The following ACOX1 variants were observed in gnomAD, a reference collection of about 807,000 sequenced individuals.
ACOX1 encodes the protein acyl-CoA oxidase 1, also known as peroxisomal acyl-coenzyme A oxidase 1.
A neutral mutation model predicts 75.5 loss-of-function variants in ACOX1; 41 were observed. The observed-to-expected ratio is 0.54, with a 90% CI of 0.42 to 0.70. The LOEUF (loss-of-function observed/expected upper bound fraction) is 0.70. Among genes scored for constraint, ACOX1 ranks in the 30% least tolerant of loss-of-function variants. The pLI, the probability that ACOX1 is intolerant of heterozygous loss-of-function variation, is 0.00. For missense variants in ACOX1, 630 were observed against 837.5 expected, an observed-to-expected ratio of 0.75 and a Z score of 3.06; for synonymous variants, 303 against 298.8, an observed-to-expected ratio of 1.01 and a Z score of -0.15.
intron 2 of ACOX1, chr17:75,973,519 A>C: frequency 2.4e-6 from 3 of 1,242,400 alleles, no homozygotes; most frequent in East Asian, 2.4e-5. Flanking sequence ...AACAACTTAA[A>C]AATAGAATCC....
chr17:75,971,292 A>C (rs1309325329), intron 2 of ACOX1, among the ~76,000 whole-genome samples: 1 of 122,562 alleles, frequency 8.2e-6, no homozygotes, highest in Non-Finnish European at 1.7e-5. Flanking sequence ...ACTCTGTCTC[A>C]AAAAAAAAAA....
chr17:75,973,595 G>A (rs1379579249), intron 2 of ACOX1: 6 of 1,613,490 alleles, frequency 3.7e-6, no homozygotes, highest in Non-Finnish European at 5.1e-6. Flanking sequence ...CCTGAGGTGG[G>A]TTACCCACAG....
Position 75,968,208 on chromosome 17 carries a change from G to A in ACOX1, c.270-7833C>T, listed in dbSNP as rs533767214. Among the ~76,000 whole-genome samples, 771 of 149,796 alleles carry A rather than the reference G, an allele frequency of 5.1e-3. 8 individuals are homozygous for A. Among genetic ancestry groups the A allele is most frequent in the African/African-American group, 0.018 (736 of 41,006 alleles). The stretch of plus-strand genomic sequence containing the variant: ...TCCCAGCACTTTGGGAGGCCGAGGC[G>A]GGCGGATCACGAGGTCAGGAGATCG... On this transcript the variant is annotated intron_variant, in intron 2 of 13. Coordinates refer to ENST00000293217, the MANE Select transcript of ACOX1 (RefSeq NM_004035.7).
rs139909641 is a variant in ACOX1, at chr17:75,947,270, G to A, written c.1936-475C>T. On this transcript the variant is annotated intron_variant, in intron 13 of 13. Transcript: ENST00000293217. Reference sequence around the variant, plus strand: ...TTAGTTTTTTTTTTTTTTTTGAAACGGAGCCTCGCTCTTGTTGCCCAGGCT... The same window carrying A: ...TTAGTTTTTTTTTTTTTTTTGAAACAGAGCCTCGCTCTTGTTGCCCAGGCT... Among the ~76,000 whole-genome samples the A allele has an allele frequency of 7.9e-3, 948 of 119,376 alleles. 11 individuals carry two copies. The highest frequency in any genetic ancestry group is 0.03 in the African/African-American group (911 of 30,838). 78.3% of individuals were successfully genotyped at this position (119,376 alleles called of 152,430 possible).
In ACOX1 at chr17:75,979,153, G is replaced by A; in HGVS notation, c.-80C>T. ...TAAATCCGCAGCTCCAGCGCCGGCC[G>A]GACCCTAGGAGGCAGCCTCAGGACG... On this transcript the variant is annotated 5_prime_UTR_variant, in exon 1 of 14. Transcript: ENST00000293217. 1.3e-6 allele frequency: 2 copies of A among 1,558,060 alleles called. No homozygotes were observed. Among genetic ancestry groups the A allele is most frequent in the South Asian group, 2.3e-5 (2 of 87,860 alleles).
chr17:75,973,795 A>G lies in ACOX1; in HGVS notation c.269+4739T>C, dbSNP rs1209949583. On this transcript the variant is annotated intron_variant, in intron 2 of 13. Transcript: ENST00000293217. ...ATTGACCAAATGTAGTCTACAGGAG[A>G]GAAGAGAAAAGGATCTCAGCCTTCC... 7 of 1,613,774 alleles carry G rather than the reference A, an allele frequency of 4.3e-6. No homozygotes were observed. The Admixed American group carries it at 6.7e-5, about 15-fold the overall frequency.
intron 7 of ACOX1, 161 bp downstream of exon 7, chr17:75,953,290 A>T: frequency 1.3e-6 from 1 of 743,810 alleles, no homozygotes; most frequent in Non-Finnish European, 2.2e-6. Context: ...CTTTCCTCTT[A>T]AGAAAAGGAA....
In ACOX1 at chr17:75,946,429, C is replaced by A; in HGVS notation, c.*319G>T. ...TTAGCAATTAAAATGTGAAAATAAT[C>A]AACTACTCAGTAGTTAAATTCTGCT... On this transcript the variant is annotated 3_prime_UTR_variant, in exon 14 of 14. Coordinates refer to ENST00000293217, the MANE Select transcript of ACOX1 (RefSeq NM_004035.7). The A allele has an allele frequency of 2.7e-6, 1 of 369,920 alleles. No individual in the cohort carries two copies. Among genetic ancestry groups the A allele is most frequent in the Non-Finnish European group, 5.2e-6 (1 of 193,038 alleles). The allele number at this position is 369,920 out of a possible 1,614,324, so 22.9% of individuals were successfully genotyped here.
intron 2 of ACOX1, among the ~76,000 whole-genome samples, chr17:75,967,615 CAT>C (rs1277333492): frequency 3.8e-5 from 5 of 131,014 alleles, no homozygotes; most frequent in African/African-American, 9.7e-5. Flanking sequence ...TATATATATA[CAT>C]ACATATATAT....
chr17:75,952,859 GAGA>G (rs1305497199), intron 7 of ACOX1, among the ~76,000 whole-genome samples: 3 of 150,238 alleles, frequency 2.0e-5, no homozygotes, highest in African/African-American at 7.4e-5. Flanking sequence ...AAAGAAAATA[GAGA>G]CAGGGTCTCA....
chr17:75,959,472 GT>G (rs1168970709), intron 3 of ACOX1, among the ~76,000 whole-genome samples: 1 of 152,138 alleles, frequency 6.6e-6, no homozygotes, highest in Non-Finnish European at 1.5e-5. Context: ...CACTAGACCA[GT>G]TTTTCTGAAA....
At chr17:75,953,224 T>G in intron 7 of ACOX1, 1 of 451,968 alleles carries the variant, frequency 2.2e-6, no homozygotes, top group Non-Finnish European at 4.1e-6. Flanking sequence ...AAGGTGGGTA[T>G]TCTCTTTTTT....
intron 12 of ACOX1, 122 bp from the exon 13 acceptor site, chr17:75,948,579 A>C: frequency 1.1e-6 from 1 of 878,604 alleles, no homozygotes; most frequent in South Asian, 1.5e-5. Context: ...TTTGAGACTG[A>C]GTTTCACTCT....
rs531536394 is a variant in ACOX1 at position 75,974,923 on chromosome 17, T to G, written c.269+3611A>C. The stretch of plus-strand genomic sequence containing the variant: ...AAATTAGCCGGGTGTGGTGGTGGGC[T>G]CCTGTAGTCCCAGCTACTCAGGAGG... On this transcript the variant is annotated intron_variant, in intron 2 of 13. Coordinates refer to ENST00000293217, the MANE Select transcript of ACOX1 (RefSeq NM_004035.7). Among the ~76,000 whole-genome samples, 14 of 150,550 alleles carry G rather than the reference T, an allele frequency of 9.3e-5. No individual in the cohort carries two copies. The East Asian group carries it at 1.8e-3, about 19-fold the overall frequency.
rs1002479369 is a variant in ACOX1, at chr17:75,945,759, GT to G, written c.*988del. On this transcript the variant is annotated 3_prime_UTR_variant, in exon 14 of 14. Coordinates refer to ENST00000293217, the MANE Select transcript of ACOX1 (RefSeq NM_004035.7). ...TGGAACTTCCATTTTTCTAACTATA[GT>G]TTTTTGTTTTTGTTTTTTCCCAGTT... 2.0e-5 allele frequency: 3 copies of G among 152,602 alleles called. No homozygotes were observed. Among genetic ancestry groups the G allele is most frequent in the East Asian group, 4.0e-4 (2 of 5,040 alleles). The allele number at this position is 152,602 out of a possible 1,614,324, so 9.5% of individuals were successfully genotyped here.
chr17:75,958,174 G>A (rs977176151), intron 3 of ACOX1, among the ~76,000 whole-genome samples: 2 of 150,720 alleles, frequency 1.3e-5, no homozygotes, highest in African/African-American at 4.9e-5. Context: ...CTAACATGGT[G>A]AAACCCGTCT....
rs546662993 is a variant in ACOX1, at chr17:75,972,862, CAA to C, written c.269+5670_269+5671del. Among the ~76,000 whole-genome samples, 24 of 152,240 alleles carry C rather than the reference CAA, an allele frequency of 1.6e-4. 1 individual carries two copies. The South Asian group carries it at 5.0e-3, about 32-fold the overall frequency. On this transcript the variant is annotated intron_variant, in intron 2 of 13. Coordinates refer to ENST00000293217, the MANE Select transcript of ACOX1 (RefSeq NM_004035.7). ...ACACACTGAAATCAGCAATCAAACA[CAA>C]AATGATGTTTCCCTGATATCTGCAT... is the stretch of plus-strand genomic sequence containing the variant.
rs910947165 is a variant in ACOX1 at position 75,942,882 on chromosome 17, T to C, written c.*3866A>G. 1.1e-4 allele frequency: 16 copies of C among 152,146 alleles called. No homozygotes were observed. Among genetic ancestry groups the C allele is most frequent in the African/African-American group, 3.9e-4 (16 of 41,422 alleles). The allele number at this position is 152,146 out of a possible 1,614,324, so 9.4% of individuals were successfully genotyped here. A position where few individuals can be genotyped will look rare whatever the true frequency, so the allele number is the denominator to read the frequency against. On this transcript the variant is annotated 3_prime_UTR_variant, in exon 14 of 14. Transcript: ENST00000293217. The stretch of plus-strand genomic sequence containing the variant: ...TCACAGGGATCTCCAAGATCATGCA[T>C]TTGAAGAGTTTTATTTCTCCACCCA...
At chr17:75,977,528 T>C (rs1008558741) in intron 2 of ACOX1, among the ~76,000 whole-genome samples, 2 of 152,074 alleles carry the variant, frequency 1.3e-5, no homozygotes, top group Admixed American at 1.3e-4. Flanking sequence ...ATCGTGCCAC[T>C]GCACTGCAGC....
Sources: gnomAD v4.1 joint callset for allele counts (sites outside exome capture counted in the v4.1 genomes callset) on GRCh38, gnomAD v4.1.1 for gene constraint, MANE v1.5 for transcripts, NCBI Gene and HGNC (gene_info 2026-07-23, HGNC 2026-07-21) for gene names.